The following STMND1 variants were observed in gnomAD, a reference collection of about 807,000 sequenced individuals.
STMND1 encodes stathmin domain-containing protein 1.
STMND1 carries 17 observed loss-of-function variants against 23.0 expected under a neutral mutation model. The observed-to-expected ratio is 0.74, with a 90% CI of 0.51 to 1.11. The LOEUF (loss-of-function observed/expected upper bound fraction) is 1.11. STMND1 is among the 50% of genes least tolerant of loss of function. The pLI is 0.00. For synonymous variants in STMND1, 114 were observed against 119.9 expected (o/e 0.95, Z 0.32); for missense variants, 305 against 329.1 (o/e 0.93, Z 0.57).
intron 1 of STMND1, among the ~76,000 whole-genome samples, chr6:17,114,606 G>A (rs1761133960): frequency 6.6e-6 from 1 of 152,150 alleles, no homozygotes; most frequent in Non-Finnish European, 1.5e-5. Flanking sequence ...TAGATCCCTC[G>A]CATGTGCAGT....
chr6:17,104,345 G>A (rs1033039451), intron 1 of STMND1, among the ~76,000 whole-genome samples: 6 of 151,636 alleles, frequency 4.0e-5, no homozygotes, highest in South Asian at 2.1e-4. Context: ...TATTTTGCTG[G>A]CCTGATTACA....
chr6:17,119,324 A>G (rs1761198801), intron 2 of STMND1, among the ~76,000 whole-genome samples: 1 of 152,054 alleles, frequency 6.6e-6, no homozygotes, highest in Non-Finnish European at 1.5e-5. Context: ...GAGGCATCTG[A>G]TTAGTGTGTG....
rs1398735994 is a variant in STMND1, at chr6:17,130,903, A to G, written c.*22A>G. 6.7e-7 allele frequency: 1 copy of G among 1,487,716 alleles called. No individual in the cohort carries two copies. The highest frequency in any genetic ancestry group is 2.2e-5 in the Admixed American group (1 of 46,126). The allele number at this position is 1,487,716 out of a possible 1,614,324, so 92.2% of individuals were successfully genotyped here. On this transcript the variant is annotated 3_prime_UTR_variant, in exon 5 of 5. Transcript: ENST00000536551. ...CTAAGCCATTTTTTGTGAATTTCAT[A>G]AGAAAGCATTCATTCTCCCCATTTG...
intron 4 of STMND1, among the ~76,000 whole-genome samples, chr6:17,129,839 G>A (rs1040606960): frequency 6.6e-6 from 1 of 151,116 alleles, no homozygotes; most frequent in Non-Finnish European, 1.5e-5. Context: ...ATGAGACCCC[G>A]TCTCCAAAAA....
In STMND1 at chr6:17,114,977, C is replaced by A; in HGVS notation, c.97C>A (p.Pro33Thr). Residue 33 changes from proline (P) to threonine (T), a missense_variant, in exon 2 of 5, where the codon CCT becomes ACT. Physicochemically the swap from Pro to Thr is conservative, Grantham distance 38 (BLOSUM62 -1). Transcript: ENST00000536551. Reference protein sequence around the residue: ...KEEFKADVSVPHTGENCSPRM... With the variant: ...KEEFKADVSVTHTGENCSPRM... ...CTTTTCACAGGCTGATGTCAGTGTG[C>A]CTCATACTGGGGAAAATTGCAGCCC... 1 of 1,527,936 alleles carries A rather than the reference C, an allele frequency of 6.5e-7. No homozygotes were observed. Among genetic ancestry groups the A allele is most frequent in the Non-Finnish European group, 8.7e-7 (1 of 1,144,398 alleles). 94.6% of individuals were successfully genotyped at this position (1,527,936 alleles called of 1,614,324 possible).
At chr6:17,110,814 C>T (rs1351240601) in intron 1 of STMND1, 1 of 455,712 alleles carries the variant, frequency 2.2e-6, no homozygotes, top group Non-Finnish European at 4.4e-6. Flanking sequence ...AAGACATTAC[C>T]GAGTGGAAGA....
At chr6:17,103,566 CTTTT>C (rs68161737) in intron 1 of STMND1, among the ~76,000 whole-genome samples, 1 of 82,096 alleles carries the variant, frequency 1.2e-5, no homozygotes, top group Admixed American at 1.7e-4. Context: ...GACCCATTAC[CTTTT>C]TTTTTTTTTT....
chr6:17,117,337 G>A (rs1235539952), intron 2 of STMND1, among the ~76,000 whole-genome samples: 1 of 152,136 alleles, frequency 6.6e-6, no homozygotes, highest in Non-Finnish European at 1.5e-5. Context: ...TCAAAGTGCT[G>A]GGATTACAGG....
intron 3 of STMND1, among the ~76,000 whole-genome samples, chr6:17,124,944 A>G (rs1009344029): frequency 5.9e-5 from 9 of 151,924 alleles, no homozygotes; most frequent in African/African-American, 2.2e-4. Flanking sequence ...GGCTGCAATA[A>G]GCCTTGATTA....
intron 2 of STMND1, among the ~76,000 whole-genome samples, chr6:17,118,231 T>C (rs1761185232): frequency 6.6e-6 from 1 of 152,204 alleles, no homozygotes; most frequent in South Asian, 2.1e-4. Flanking sequence ...TTTACACTTA[T>C]GCTTATGAAG....
rs1393174897 is a variant in STMND1 at position 17,130,660 on chromosome 6, G to C, written c.610G>C (p.Asp204His). The change falls in exon 5 of 5, where the codon GAT becomes CAT. Residue 204 changes from aspartate to histidine, a missense_variant. Coordinates refer to ENST00000536551, the MANE Select transcript of STMND1 (RefSeq NM_001190766.2). Reference protein sequence around the residue: ...DRLLPSANHSDSAELDGAEVA... With the variant: ...DRLLPSANHSHSAELDGAEVA... ...ACTTTTGCCTTCAGCCAATCACTCA[G>C]ATTCAGCTGAATTAGATGGGGCCGA... 1 of 1,536,042 alleles carries C rather than the reference G, an allele frequency of 6.5e-7. No individual in the cohort carries two copies. Among genetic ancestry groups the C allele is most frequent in the Non-Finnish European group, 8.7e-7 (1 of 1,146,872 alleles).
At chr6:17,124,144 ATG>A in intron 3 of STMND1, among the ~76,000 whole-genome samples, 1 of 149,852 alleles carries the variant, frequency 6.7e-6, no homozygotes, top group Non-Finnish European at 1.5e-5. Context: ...AGATATTATT[ATG>A]TCAGCAGTTA....
chr6:17,103,838 G>A (rs1253595432), intron 1 of STMND1, among the ~76,000 whole-genome samples: 1 of 151,984 alleles, frequency 6.6e-6, no homozygotes, highest in African/African-American at 2.4e-5. Flanking sequence ...CCAAAGTGCT[G>A]GGATTACAGG....
chr6:17,131,056 A>G lies in STMND1; in HGVS notation c.*175A>G. The G allele has an allele frequency of 1.8e-6, 1 of 558,406 alleles. No homozygotes were observed. Among genetic ancestry groups the G allele is most frequent in the South Asian group, 3.9e-5 (1 of 25,844 alleles). 34.6% of individuals were successfully genotyped at this position (558,406 alleles called of 1,614,324 possible). On this transcript the variant is annotated 3_prime_UTR_variant, in exon 5 of 5. Coordinates refer to ENST00000536551, the MANE Select transcript of STMND1 (RefSeq NM_001190766.2). ...GGTTAGTTGAGTAAATTAAGTAGCT[A>G]TGCTAGCTTTTAAAAAAAGAGCGAG...
chr6:17,126,979 G>A (rs1259676202), intron 3 of STMND1, among the ~76,000 whole-genome samples: 2 of 152,192 alleles, frequency 1.3e-5, no homozygotes, highest in Non-Finnish European at 2.9e-5. Flanking sequence ...CCGCCCCAGA[G>A]TTGAAGCTCA....
chr6:17,127,531 C>T (rs1334267035), intron 3 of STMND1, among the ~76,000 whole-genome samples: 2 of 152,184 alleles, frequency 1.3e-5, no homozygotes, highest in Non-Finnish European at 2.9e-5. Flanking sequence ...GCCTGGGTGA[C>T]AGGGCAAGAC....
intron 2 of STMND1, among the ~76,000 whole-genome samples, chr6:17,116,422 C>T (rs1761160322): frequency 6.6e-6 from 1 of 152,126 alleles, no homozygotes; most frequent in South Asian, 2.1e-4. Context: ...TGTGTCTCTG[C>T]TCTTCAAATC....
At chr6:17,102,898 T>TG (rs1247455564) in intron 1 of STMND1, among the ~76,000 whole-genome samples, 1 of 152,184 alleles carries the variant, frequency 6.6e-6, no homozygotes, top group Non-Finnish European at 1.5e-5. Context: ...ACAGCTAATT[T>TG]GGGGGCACAG....
In STMND1 at chr6:17,114,947, G is replaced by T. The variant is rs765477291; in HGVS notation, c.82-15G>T. The T allele has an allele frequency of 8.8e-5, 132 of 1,500,842 alleles. No individual in the cohort carries two copies. The highest frequency in any genetic ancestry group is 1.2e-4 in the Non-Finnish European group (131 of 1,133,508). 93.0% of individuals were successfully genotyped at this position (1,500,842 alleles called of 1,614,324 possible). ...AAGAAATCTTGACTCTAACAAAACTGTTCCCTTTTCACAGGCTGATGTCAG... is the reference window on the plus strand; with the variant it reads ...AAGAAATCTTGACTCTAACAAAACTTTTCCCTTTTCACAGGCTGATGTCAG... On this transcript the variant is annotated splice_polypyrimidine_tract_variant and intron_variant, in intron 1 of 4. Coordinates refer to ENST00000536551, the MANE Select transcript of STMND1 (RefSeq NM_001190766.2).
Sources: gnomAD v4.1 joint callset for allele counts (sites outside exome capture counted in the v4.1 genomes callset) on GRCh38, gnomAD v4.1.1 for gene constraint, MANE v1.5 for transcripts, NCBI Gene and HGNC (gene_info 2026-07-23, HGNC 2026-07-21) for gene names.